Variants in IGSF21 observed in about 807,000 individuals in gnomAD.
The protein encoded by IGSF21 is immunoglobulin superfamily member 21.
Under a neutral mutation model 46.8 loss-of-function variants are expected in IGSF21, and 28 were observed. That is an observed-to-expected ratio of 0.60 (90% CI 0.44 to 0.82). The LOEUF is 0.82. Ranked by LOEUF, IGSF21 falls within the 40% of genes least tolerant of loss-of-function variation. IGSF21 has a pLI of 0.00. For missense variants in IGSF21, 624 were observed against 665.5 expected (o/e 0.94, Z 0.69); for synonymous variants, 284 against 273.6 (o/e 1.04, Z -0.38).
intron 1 of IGSF21, chr1:18,179,402 C>G (rs2086835233): frequency 6.6e-6 from 1 of 152,130 alleles, no homozygotes; most frequent in African/African-American, 2.4e-5. Context: ...TTTCATGGGT[C>G]CAGCACTGTT....
intron 1 of IGSF21, among the ~76,000 whole-genome samples, chr1:18,225,085 T>TCTCTCTCTCTCTCTCTCTCTCTCTCACA: frequency 3.7e-4 from 19 of 51,610 alleles, no homozygotes; most frequent in African/African-American, 8.5e-4. Flanking sequence ...TCTCTCTCTC[T>TCTCTCTCTCTCTCTCTCTCTCTCTCACA]CACACACACA....
At position 18,161,745 on chromosome 1, in the gene IGSF21, C is replaced by T. The variant is rs146285617; in HGVS notation, c.70+53547C>T. On this transcript the variant is annotated intron_variant, in intron 1 of 9. Coordinates refer to ENST00000251296, the MANE Select transcript of IGSF21 (RefSeq NM_032880.5). ...CCCAACTTACACTGATACAGTCTCGCGTGGCGGTGGGAGGAGGCCAAATAT... is the reference window on the plus strand; with the variant it reads ...CCCAACTTACACTGATACAGTCTCGTGTGGCGGTGGGAGGAGGCCAAATAT... 4.6e-5 allele frequency among the ~76,000 whole-genome samples: 7 copies of T among 152,254 alleles called. No individual in the cohort carries two copies. In the East Asian group the frequency reaches 1.4e-3, roughly 29 times the overall value.
intron 2 of IGSF21, among the ~76,000 whole-genome samples, chr1:18,230,362 T>G (rs554789315): frequency 3.3e-5 from 5 of 152,318 alleles, no homozygotes; most frequent in African/African-American, 1.2e-4. Flanking sequence ...CAGTGGCATC[T>G]CTTACCATTG....
At chr1:18,264,038 A>G (rs1569667078) in intron 2 of IGSF21, among the ~76,000 whole-genome samples, 1 of 152,344 alleles carries the variant, frequency 6.6e-6, no homozygotes, top group South Asian at 2.1e-4. Flanking sequence ...CTGTAATATT[A>G]TTAGGGCCAA....
chr1:18,201,478 G>A (rs1447724858), intron 1 of IGSF21, among the ~76,000 whole-genome samples: 2 of 152,192 alleles, frequency 1.3e-5, no homozygotes, highest in Non-Finnish European at 2.9e-5. Flanking sequence ...ATTTCAAGGA[G>A]CTGTGGAAGT....
chr1:18,126,457 G>T (rs538144957), intron 1 of IGSF21, among the ~76,000 whole-genome samples: 1 of 152,124 alleles, frequency 6.6e-6, no homozygotes, highest in Admixed American at 6.5e-5. Context: ...AGCAGGAGGG[G>T]GCCAGATCTG....
chr1:18,344,282 C>G (rs2085871241), intron 4 of IGSF21, among the ~76,000 whole-genome samples: 1 of 152,172 alleles, frequency 6.6e-6, no homozygotes, highest in African/African-American at 2.4e-5. Flanking sequence ...AATCCTCCTG[C>G]CTCAGCCTCC....
intron 2 of IGSF21, among the ~76,000 whole-genome samples, chr1:18,263,065 G>A (rs907505191): frequency 9.9e-5 from 15 of 152,164 alleles, no homozygotes; most frequent in African/African-American, 3.6e-4. Flanking sequence ...GCACCTGCAA[G>A]ACAAAATCAA....
At chr1:18,375,272 C>T (rs2086269254) in intron 6 of IGSF21, among the ~76,000 whole-genome samples, 1 of 152,234 alleles carries the variant, frequency 6.6e-6, no homozygotes, top group South Asian at 2.1e-4. Context: ...AGCTCTGCTC[C>T]AAATGGCTGG....
At chr1:18,360,247 T>C (rs2086085023) in intron 4 of IGSF21, among the ~76,000 whole-genome samples, 1 of 152,196 alleles carries the variant, frequency 6.6e-6, no homozygotes, top group Non-Finnish European at 1.5e-5. Flanking sequence ...GGAATTCCTA[T>C]CCGGCTTACC....
At chr1:18,298,491 T>C (rs1237947094) in intron 3 of IGSF21, among the ~76,000 whole-genome samples, 1 of 152,154 alleles carries the variant, frequency 6.6e-6, no homozygotes, top group Non-Finnish European at 1.5e-5. Flanking sequence ...TGCTGTGTCT[T>C]CCATTTCCTG....
Position 18,378,354 on chromosome 1 carries a change from G to T in IGSF21, c.*28G>T, listed in dbSNP as rs1054035000. ...GCACCCGCCCCGGCCACTCCATCAGGCACTGACATCTCCACGACCGGTTTT... is the reference window on the plus strand; with the variant it reads ...GCACCCGCCCCGGCCACTCCATCAGTCACTGACATCTCCACGACCGGTTTT... On this transcript the variant is annotated 3_prime_UTR_variant, in exon 10 of 10. Transcript: ENST00000251296. 6.3e-7 allele frequency: 1 copy of T among 1,585,684 alleles called. No individual in the cohort carries two copies. Among genetic ancestry groups the T allele is most frequent in the Non-Finnish European group, 8.7e-7 (1 of 1,154,968 alleles).
intron 4 of IGSF21, among the ~76,000 whole-genome samples, chr1:18,343,787 G>C (rs923695329): frequency 6.6e-6 from 1 of 152,152 alleles, no homozygotes; most frequent in Non-Finnish European, 1.5e-5. Context: ...TCTCCATTCT[G>C]TTTCACTGCT....
At chr1:18,182,994 C>T (rs1162405966) in intron 1 of IGSF21, among the ~76,000 whole-genome samples, 2 of 152,210 alleles carry the variant, frequency 1.3e-5, no homozygotes, top group African/African-American at 2.4e-5. Flanking sequence ...CTCCTTCACC[C>T]GCTGCAAACT....
rs114340098 is a variant in IGSF21, at chr1:18,311,277, T to C, written c.305+19290T>C. ...CACCATGCCTCTCCCCATCCAGACA[T>C]TGCAGAAGCAGCACCTGCCACCTCT... On this transcript the variant is annotated intron_variant, in intron 3 of 9. Coordinates refer to ENST00000251296, the MANE Select transcript of IGSF21 (RefSeq NM_032880.5). 3.2e-3 allele frequency among the ~76,000 whole-genome samples: 480 copies of C among 152,226 alleles called. 2 individuals are homozygous for C. Among genetic ancestry groups the C allele is most frequent in the African/African-American group, 0.011 (450 of 41,540 alleles).
rs1553146741 is a variant in IGSF21, at chr1:18,115,901, G to GAAAGAAAGAAAGA, written c.70+7705_70+7706insAGAAAGAAAGAAA. ...AGAAAGAAAGAAAGAAAGAAAGAAA[G>GAAAGAAAGAAAGA]AAGGAGAGGGAGGGAGGGAGGGAGG... is the stretch of plus-strand genomic sequence containing the variant. On this transcript the variant is annotated intron_variant, in intron 1 of 9. Transcript: ENST00000251296. 142 of 89,472 alleles carry GAAAGAAAGAAAGA rather than the reference G, an allele frequency of 1.6e-3. 5 individuals are homozygous for GAAAGAAAGAAAGA. Among genetic ancestry groups the GAAAGAAAGAAAGA allele is most frequent in the Middle Eastern group, 0.011 (2 of 182 alleles). The allele number at this position is 89,472 out of a possible 1,614,324, so 5.5% of individuals were successfully genotyped here. A position where few individuals can be genotyped will look rare whatever the true frequency, so the allele number is the denominator to read the frequency against.
At position 18,337,133 on chromosome 1, in the gene IGSF21, C is replaced by G. The variant is rs376575411; in HGVS notation, c.424+2123C>G. ...AGGGTTGACCAGACCATCCTACACT[C>G]CCTCCCAGCTCTGACACTTCTGAGT... On this transcript the variant is annotated intron_variant, in intron 4 of 9. Coordinates refer to ENST00000251296, the MANE Select transcript of IGSF21 (RefSeq NM_032880.5). The surrounding 1 kb of genome is among the most constrained non-coding windows in gnomAD (Gnocchi z 5.7). Among the ~76,000 whole-genome samples, 22 of 152,152 alleles carry G rather than the reference C, an allele frequency of 1.4e-4. No individual in the cohort carries two copies. In the East Asian group the frequency reaches 2.1e-3, roughly 15 times the overall value.
intron 4 of IGSF21, among the ~76,000 whole-genome samples, chr1:18,350,797 A>G (rs565664329): frequency 9.2e-5 from 14 of 152,316 alleles, no homozygotes; most frequent in African/African-American, 3.4e-4. Context: ...AATCAATCCT[A>G]AAACGCTGAT....
intron 1 of IGSF21, among the ~76,000 whole-genome samples, chr1:18,206,279 T>C (rs2084321842): frequency 6.6e-6 from 1 of 152,122 alleles, no homozygotes; most frequent in Non-Finnish European, 1.5e-5. Flanking sequence ...CTGGGTGCCG[T>C]GGCTCATGCC....
Sources: allele counts gnomAD v4.1 joint callset (sites outside exome capture counted in the v4.1 genomes callset), GRCh38; gene constraint gnomAD v4.1.1; non-coding constraint Gnocchi (gnomAD v3.1); transcripts MANE v1.5; gene names NCBI Gene and HGNC (gene_info 2026-07-23, HGNC 2026-07-21).